The following CCP110 variants were observed in gnomAD, a reference collection of about 807,000 sequenced individuals.
CCP110 encodes centriolar coiled-coil protein 110, also known as centriolar coiled-coil protein of 110 kDa.
Under a neutral mutation model 105.5 loss-of-function variants are expected in CCP110, and 43 were observed. The observed-to-expected ratio is 0.41, with a 90% CI of 0.32 to 0.53. The LOEUF is 0.53. CCP110 is among the 20% of genes least tolerant of loss of function. The pLI is 0.32. For missense variants in CCP110, 1,016 were observed against 1,189.1 expected, an observed-to-expected ratio of 0.85 and a Z score of 2.14; for synonymous variants, 353 against 392.1, an observed-to-expected ratio of 0.90 and a Z score of 1.18.
chr16:19,528,831 C>A (rs56092191), intron 2 of CCP110, among the ~76,000 whole-genome samples: 1 of 152,082 alleles, frequency 6.6e-6, no homozygotes, highest in African/African-American at 2.4e-5. Context: ...CTAGGAGTTG[C>A]AGGCTGCAGT....
chr16:19,531,183 A>G (rs11649604), intron 2 of CCP110, among the ~76,000 whole-genome samples: 7,173 of 152,302 alleles, frequency 0.047, 210 homozygotes, highest in African/African-American at 0.078. Context: ...TTGATAACAC[A>G]TTGCTTGATT....
At chr16:19,529,586 AT>A (rs1969791638) in intron 2 of CCP110, among the ~76,000 whole-genome samples, 1 of 152,200 alleles carries the variant, frequency 6.6e-6, no homozygotes, top group Non-Finnish European at 1.5e-5. Context: ...TACATATGAC[AT>A]TTTTAAAAAT....
intron 7 of CCP110, 56 bp downstream of exon 7, chr16:19,542,816 A>G (rs989965542): frequency 8.5e-5 from 130 of 1,528,712 alleles, no homozygotes; most frequent in Non-Finnish European, 1.1e-4. Flanking sequence ...CTTAAGAGCT[A>G]TATTATCTTA....
intron 2 of CCP110, among the ~76,000 whole-genome samples, chr16:19,530,220 A>G (rs1969815581): frequency 6.6e-6 from 1 of 152,010 alleles, no homozygotes; most frequent in African/African-American, 2.4e-5. Flanking sequence ...AAACTATGAT[A>G]CTGAATTTTT....
At chr16:19,537,586 A>T (rs1284112231) in exon 4 of CCP110, 1 of 1,528,868 alleles carries the variant, frequency 6.5e-7, no homozygotes, top group East Asian at 2.2e-5. Flanking sequence ...CTAGTTCCAA[A>T]GGTAAGGAAT....
intron 1 of CCP110, chr16:19,526,435 G>A (rs539988836): frequency 6.6e-6 from 1 of 152,122 alleles, no homozygotes; most frequent in African/African-American, 2.4e-5. Context: ...CTAAAAAAAG[G>A]CTATGCCTTA....
At chr16:19,550,071 A>G (rs1274992046) in intron 14 of CCP110, among the ~76,000 whole-genome samples, 1 of 152,252 alleles carries the variant, frequency 6.6e-6, no homozygotes, top group East Asian at 1.9e-4. Flanking sequence ...AAACAAGTAC[A>G]AAAGTCTGTT....
rs571845201 is a variant in CCP110 at position 19,531,483 on chromosome 16, T to C, written c.142-933T>C. Among the ~76,000 whole-genome samples the C allele has an allele frequency of 3.3e-5, 5 of 152,356 alleles. No individual in the cohort carries two copies. The East Asian group carries it at 9.6e-4, about 29-fold the overall frequency. On this transcript the variant is annotated intron_variant, in intron 2 of 14. Coordinates refer to ENST00000381396, the Ensembl canonical transcript of CCP110. ...GCTTAGAAGCCTTCCATTTTTTAGG[T>C]ACATTATATTTTTATCAGAAGGTAG...
At chr16:19,544,358 T>C (rs2151480382) in intron 8 of CCP110, among the ~76,000 whole-genome samples, 1 of 152,350 alleles carries the variant, frequency 6.6e-6, no homozygotes, top group African/African-American at 2.4e-5. Context: ...GTTTTATTTA[T>C]GTTCTTAGTA....
At chr16:19,539,841 C>T (rs1280334128) in intron 4 of CCP110, among the ~76,000 whole-genome samples, 3 of 151,388 alleles carry the variant, frequency 2.0e-5, no homozygotes, top group South Asian at 4.2e-4. Flanking sequence ...CTCTTGTTGC[C>T]CAGGCTGGAG....
intron 4 of CCP110, 45 bp from the exon 5 acceptor site, chr16:19,540,612 T>C (rs769733766): frequency 1.8e-5 from 28 of 1,534,316 alleles, no homozygotes; most frequent in Non-Finnish European, 2.3e-5. Context: ...TATCAGACAT[T>C]AGACTTGTGA....
Position 19,548,025 on chromosome 16 carries a change from C to T in CCP110, c.2900+11C>T, listed in dbSNP as rs764264117. On this transcript the variant is annotated intron_variant, in intron 13 of 14. Transcript: ENST00000381396. This position sits in a 1 kb window ranked among gnomAD's most constrained non-coding sequence, Gnocchi z 4.1. ...ACTTAGTAGACAAGGGTAAGAATGC[C>T]ACACACGGGTATTGAAAACTACGGA... is the stretch of plus-strand genomic sequence containing the variant. 1 of 1,585,442 alleles carries T rather than the reference C, an allele frequency of 6.3e-7. No homozygotes were observed. The highest frequency in any genetic ancestry group is 1.1e-5 in the South Asian group (1 of 90,190).
At chr16:19,546,354 A>G in intron 11 of CCP110, 58 bp from the exon 12 acceptor site, 1 of 972,830 alleles carries the variant, frequency 1.0e-6, no homozygotes, top group South Asian at 1.4e-5. Context: ...TTACATTTGT[A>G]AGCATGTTTT....
At position 19,537,597 on chromosome 16, in the gene CCP110, C is replaced by T; in HGVS notation, c.1918+10C>T. On this transcript the variant is annotated intron_variant, in intron 4 of 14. Coordinates refer to ENST00000381396, the Ensembl canonical transcript of CCP110. Reference sequence around the variant, plus strand: ...GGAACTAGTTCCAAAGGTAAGGAATCTTTGAAGCGTTTGATACCTTCTATG... The same window carrying T: ...GGAACTAGTTCCAAAGGTAAGGAATTTTTGAAGCGTTTGATACCTTCTATG... The T allele has an allele frequency of 6.8e-7, 1 of 1,471,632 alleles. No homozygotes were observed. Among genetic ancestry groups the T allele is most frequent in the Non-Finnish European group, 9.2e-7 (1 of 1,083,968 alleles). 91.2% of individuals were successfully genotyped at this position (1,471,632 alleles called of 1,614,324 possible).
chr16:19,545,287 C>A lies in CCP110; in HGVS notation c.2703+77C>A, dbSNP rs1157558673. On this transcript the variant is annotated intron_variant, in intron 10 of 14. Transcript: ENST00000381396. ...GATACTAAATGTCAGTTTTGGTTGA[C>A]TTCAGCACCCTTCTTCTGATAATTC... The A allele has an allele frequency of 6.0e-6, 4 of 664,684 alleles. No individual in the cohort carries two copies. The African/African-American group carries it at 7.3e-5, about 12-fold the overall frequency. 41.2% of individuals were successfully genotyped at this position (664,684 alleles called of 1,614,324 possible).
intron 8 of CCP110, among the ~76,000 whole-genome samples, chr16:19,543,525 C>T (rs1026631587): frequency 1.3e-5 from 2 of 152,122 alleles, no homozygotes; most frequent in African/African-American, 4.8e-5. Context: ...CAGCGTTTTT[C>T]AGGGAACAAG....
chr16:19,536,253 C>T, exon 4 of CCP110: 1 of 1,613,804 alleles, frequency 6.2e-7, no homozygotes, highest in East Asian at 2.2e-5. Flanking sequence ...TCAGCAACCC[C>T]ACAAGAAACT....
intron 1 of CCP110, among the ~76,000 whole-genome samples, 185 bp from the exon 2 acceptor site, chr16:19,527,682 T>C (rs2151459696): frequency 6.6e-6 from 1 of 152,318 alleles, no homozygotes; most frequent in Admixed American, 6.5e-5. Flanking sequence ...TAAATCTTAA[T>C]TGGACAGGTT....
chr16:19,542,536 A>G, intron 6 of CCP110, 85 bp from the exon 7 acceptor site: 2 of 1,014,078 alleles, frequency 2.0e-6, no homozygotes, highest in Non-Finnish European at 3.0e-6. Flanking sequence ...GTTATTCTTA[A>G]TGAGTGTCAC....
Sources: allele counts gnomAD v4.1 joint callset (sites outside exome capture counted in the v4.1 genomes callset), GRCh38; gene constraint gnomAD v4.1.1; non-coding constraint Gnocchi (gnomAD v3.1); transcripts MANE v1.5; gene names NCBI Gene and HGNC (gene_info 2026-07-23, HGNC 2026-07-21).